Variants in ATP8A2 observed in about 807,000 individuals in gnomAD.
ATP8A2 encodes the protein ATPase phospholipid transporting 8A2.
A neutral mutation model predicts 165.6 loss-of-function variants in ATP8A2; 100 were observed. The ratio of observed to expected loss-of-function variants is 0.60; its 90% CI spans 0.51 to 0.71. The LOEUF is 0.71. ATP8A2 is among the 30% of genes least tolerant of loss of function. The probability of loss-of-function intolerance (pLI) is 0.00; values close to 1 mark genes in which losing one functional copy is unlikely to be tolerated. For synonymous variants in ATP8A2, 543 were observed against 548.8 expected (o/e 0.99, Z 0.15); for missense variants, 1,227 against 1,479.5 (o/e 0.83, Z 2.80).
rs1460127073 is a variant in ATP8A2 at position 25,621,386 on chromosome 13, TTC to T, written c.2211+31691_2211+31692del. Among the ~76,000 whole-genome samples the T allele has an allele frequency of 2.0e-5, 3 of 152,342 alleles. No homozygotes were observed. The South Asian group carries it at 6.2e-4, about 32-fold the overall frequency. ...TGTTTCTGATTTAATCTTTTCATTT[TTC>T]TCTTTTTGTTTTTCTCAACCTTTTC... On this transcript the variant is annotated intron_variant, in intron 24 of 36. Coordinates refer to ENST00000381655, the MANE Select transcript of ATP8A2 (RefSeq NM_016529.6).
At chr13:25,808,427 C>T (rs1009910102) in intron 27 of ATP8A2, among the ~76,000 whole-genome samples, 2 of 151,750 alleles carry the variant, frequency 1.3e-5, no homozygotes, top group South Asian at 2.1e-4. Flanking sequence ...GGTGAAATCC[C>T]ATCTCTACTA....
intron 23 of ATP8A2, among the ~76,000 whole-genome samples, chr13:25,587,638 T>C (rs1245758056): frequency 6.6e-6 from 1 of 152,242 alleles, no homozygotes; most frequent in African/African-American, 2.4e-5. Flanking sequence ...TAACAGTCTA[T>C]ATTGCATGAA....
intron 30 of ATP8A2, among the ~76,000 whole-genome samples, chr13:25,845,277 T>A (rs911687622): frequency 6.6e-6 from 1 of 152,198 alleles, no homozygotes; most frequent in African/African-American, 2.4e-5. Flanking sequence ...CCTGTTGGCA[T>A]GTCCAGTCGG....
chr13:25,457,371 T>C (rs1302194860), intron 1 of ATP8A2, among the ~76,000 whole-genome samples: 2 of 152,234 alleles, frequency 1.3e-5, no homozygotes, highest in African/African-American at 4.8e-5. Context: ...GTCAGATAGA[T>C]GATTTATGTA....
At chr13:25,744,072 A>G (rs910702362) in intron 25 of ATP8A2, among the ~76,000 whole-genome samples, 1 of 152,290 alleles carries the variant, frequency 6.6e-6, no homozygotes, top group South Asian at 2.1e-4. Context: ...TGGTTTAGTA[A>G]TTTTTACAAA....
At chr13:25,882,894 AGATGATGAT>A (rs3837558) in intron 33 of ATP8A2, among the ~76,000 whole-genome samples, 2,274 of 147,340 alleles carry the variant, frequency 0.015, 55 homozygotes, top group African/African-American at 0.053. Context: ...CCTGTGCCTG[AGATGATGAT>A]GATGATGATG....
intron 24 of ATP8A2, among the ~76,000 whole-genome samples, chr13:25,610,910 G>A (rs1241794514): frequency 1.1e-5 from 1 of 88,614 alleles, no homozygotes. Context: ...TGCAGCTATT[G>A]TAGAAGGGGT....
intron 33 of ATP8A2, among the ~76,000 whole-genome samples, chr13:25,900,425 C>T (rs190281488): frequency 4.9e-4 from 74 of 152,144 alleles, no homozygotes; most frequent in Non-Finnish European, 5.9e-4. Context: ...TCAGTGTTTA[C>T]GAAGGGATGT....
intron 2 of ATP8A2, among the ~76,000 whole-genome samples, chr13:25,528,905 A>C (rs2037940123): frequency 6.6e-6 from 1 of 150,788 alleles, no homozygotes; most frequent in South Asian, 2.1e-4. Context: ...ATATGCATAC[A>C]CATGTTGGTG....
Position 25,753,491 on chromosome 13 carries a change from G to T in ATP8A2, c.2385-15555G>T, listed in dbSNP as rs148760551. ...AAATTTGAGAATCTCATTCTAGTGC[G>T]GTAGGTCAGTCCACAAATACTCTCT... On this transcript the variant is annotated intron_variant, in intron 25 of 36. Coordinates refer to ENST00000381655, the MANE Select transcript of ATP8A2 (RefSeq NM_016529.6). Among the ~76,000 whole-genome samples, 139 of 152,236 alleles carry T rather than the reference G, an allele frequency of 9.1e-4. 4 individuals are homozygous for T. In the East Asian group the frequency reaches 0.02, roughly 21 times the overall value.
At chr13:25,747,828 C>T (rs552175446) in intron 25 of ATP8A2, among the ~76,000 whole-genome samples, 3 of 152,256 alleles carry the variant, frequency 2.0e-5, no homozygotes, top group African/African-American at 7.2e-5. Context: ...CATTGAATCA[C>T]CAAGAAATGT....
At chr13:25,849,505 T>C (rs539542704) in intron 30 of ATP8A2, among the ~76,000 whole-genome samples, 18 of 152,356 alleles carry the variant, frequency 1.2e-4, no homozygotes, top group African/African-American at 3.8e-4. Context: ...AATAAGTTCC[T>C]TGATCATTTT....
chr13:25,473,231 C>G (rs7983807), intron 2 of ATP8A2, among the ~76,000 whole-genome samples: 34,547 of 152,026 alleles, frequency 0.23, 4,204 homozygotes, highest in African/African-American at 0.31. Context: ...ATTCTTGACG[C>G]TGAAAATACC....
chr13:25,429,811 A>G (rs574154585), intron 1 of ATP8A2, among the ~76,000 whole-genome samples: 3 of 152,216 alleles, frequency 2.0e-5, no homozygotes, highest in African/African-American at 4.8e-5. Context: ...TTGGGCAGGG[A>G]GCGCTCTCCA....
chr13:25,780,485 T>C (rs555752053), intron 27 of ATP8A2, among the ~76,000 whole-genome samples: 1 of 152,258 alleles, frequency 6.6e-6, no homozygotes, highest in East Asian at 1.9e-4. Context: ...GAAATAGATA[T>C]TCTAAGACCA....
In ATP8A2 at chr13:25,892,855, G is replaced by C. The variant is rs145238531; in HGVS notation, c.3183+30447G>C. On this transcript the variant is annotated intron_variant, in intron 33 of 36. Coordinates refer to ENST00000381655, the MANE Select transcript of ATP8A2 (RefSeq NM_016529.6). ...GAGGACCAAATATTTGATGACTCCT[G>C]ATAGAAAATATTCTTCAAAGAATAC... Among the ~76,000 whole-genome samples the C allele has an allele frequency of 4.8e-3, 724 of 150,318 alleles. 4 individuals are homozygous for C. Among genetic ancestry groups the C allele is most frequent in the Non-Finnish European group, 6.8e-3 (460 of 67,768 alleles).
chr13:25,574,726 T>C, intron 18 of ATP8A2, 82 bp from the exon 19 acceptor site: 2 of 817,022 alleles, frequency 2.4e-6, no homozygotes, highest in South Asian at 1.4e-5. Context: ...AGCATATATA[T>C]GTCTGTTTAT....
At chr13:25,454,571 C>T (rs1039540269) in intron 1 of ATP8A2, among the ~76,000 whole-genome samples, 8 of 152,112 alleles carry the variant, frequency 5.3e-5, no homozygotes, top group East Asian at 3.9e-4. Context: ...ACTGCCCATC[C>T]GATGGGACCC....
chr13:25,886,497 T>A (rs1953160845), intron 33 of ATP8A2, among the ~76,000 whole-genome samples: 1 of 152,240 alleles, frequency 6.6e-6, no homozygotes, highest in Non-Finnish European at 1.5e-5. Flanking sequence ...AAGTGTGGTA[T>A]GCATCTTGTA....
Sources: gnomAD v4.1 joint callset for allele counts (sites outside exome capture counted in the v4.1 genomes callset) on GRCh38, gnomAD v4.1.1 for gene constraint, MANE v1.5 for transcripts, NCBI Gene and HGNC (gene_info 2026-07-23, HGNC 2026-07-21) for gene names.